Variants in SHOX observed in about 807,000 individuals in gnomAD.
SHOX encodes the protein short stature homeobox protein.
SHOX carries 12 observed loss-of-function variants against 29.6 expected under a neutral mutation model. That is an observed-to-expected ratio of 0.41 (90% CI 0.26 to 0.66). The LOEUF is 0.66. Ranked by LOEUF, SHOX falls within the 30% of genes least tolerant of loss-of-function variation. SHOX has a pLI of 0.35. For synonymous variants in SHOX, 214 were observed against 200.6 expected, an observed-to-expected ratio of 1.07 and a Z score of -0.57; for missense variants, 499 against 437.7, an observed-to-expected ratio of 1.14 and a Z score of -1.25.
chrX:644,295 G>C (rs1323526977), intron 4 of SHOX, 96 bp from the exon 5 acceptor site: 5 of 1,398,686 alleles, frequency 3.6e-6, no homozygotes, highest in Non-Finnish European at 4.7e-6. Context: ...CTCCCTAGGG[G>C]AGAAGAGGCA....
In SHOX at chrX:641,094, C is replaced by T; in HGVS notation, c.633+7C>T. ...ACGGATGCCTTTCCAACAGGTAGCT[C>T]ACTTTTTCTTCCTCTGAAGATCCCT... On this transcript the variant is annotated splice_region_variant and intron_variant, in intron 4 of 4. Coordinates refer to ENST00000686671, the MANE Select transcript of SHOX (RefSeq NM_000451.4). 6.2e-7 allele frequency: 1 copy of T among 1,613,544 alleles called. No individual in the cohort carries two copies. Among genetic ancestry groups the T allele is most frequent in the Non-Finnish European group, 8.5e-7 (1 of 1,179,568 alleles).
chrX:643,482 AGAGCCTTGGGGACCT>A (rs2052901355), intron 4 of SHOX, among the ~76,000 whole-genome samples: 1 of 120,900 alleles, frequency 8.3e-6, no homozygotes, highest in Non-Finnish European at 1.7e-5. Context: ...TGTCCTGGGG[AGAGCCTTGGGGACCT>A]GGTGACCTTG....
At chrX:625,888 C>CCT (rs777237891), upstream of SHOX, among the ~76,000 whole-genome samples, 21,368 of 118,248 alleles carry the variant, frequency 0.18, 3,533 homozygotes, top group Non-Finnish European at 0.25. Flanking sequence ...TTCTCTCTCT[C>CCT]CTCTCTCTCT....
At chrX:627,914 C>T (rs187911746), upstream of SHOX, among the ~76,000 whole-genome samples, 8 of 152,242 alleles carry the variant, frequency 5.3e-5, no homozygotes, top group South Asian at 1.0e-3. Context: ...GAGAGGTTTA[C>T]GGCGCAGTCC....
Position 644,574 on chromosome X carries a change from A to G in SHOX, c.817A>G (p.Asn273Asp). ...CGCCGCCGCCAAAAGCAACAGCAAG[A>G]ATTCCAGCATCGCCGACCTGCGGCT... ...VAAAAKSNSK[N>D]SSIADLRLKA... Residue 273 changes from asparagine to aspartate, a missense_variant, in exon 5 of 5, where the codon AAT (asparagine) becomes GAT (aspartate). Physicochemically the swap from Asn to Asp is conservative, Grantham distance 23 (BLOSUM62 1). Coordinates refer to ENST00000686671, the MANE Select transcript of SHOX (RefSeq NM_000451.4). The G allele has an allele frequency of 6.6e-7, 1 of 1,516,600 alleles. No individual in the cohort carries two copies. Among genetic ancestry groups the G allele is most frequent in the Non-Finnish European group, 8.8e-7 (1 of 1,139,036 alleles). The allele number at this position is 1,516,600 out of a possible 1,614,324, so 93.9% of individuals were successfully genotyped here.
Position 644,680 on chromosome X carries a change from G to A in SHOX, c.*44G>A. 1 of 1,393,900 alleles carries A rather than the reference G, an allele frequency of 7.2e-7. No homozygotes were observed. Among genetic ancestry groups the A allele is most frequent in the Non-Finnish European group, 9.2e-7 (1 of 1,085,712 alleles). 86.3% of individuals were successfully genotyped at this position (1,393,900 alleles called of 1,614,324 possible). ...GCGCGCCCGGACTCCCGGGCTCCGC[G>A]CACCCCGCCTGCACCGCGCGTCCTG... On this transcript the variant is annotated 3_prime_UTR_variant, in exon 5 of 5. Coordinates refer to ENST00000686671, the MANE Select transcript of SHOX (RefSeq NM_000451.4).
In SHOX at chrX:644,382, C is replaced by T; in HGVS notation, c.634-9C>T. 3 of 1,519,516 alleles carry T rather than the reference C, an allele frequency of 2.0e-6. No individual in the cohort carries two copies. Among genetic ancestry groups the T allele is most frequent in the African/African-American group, 1.4e-5 (1 of 70,488 alleles). The allele number at this position is 1,519,516 out of a possible 1,614,324, so 94.1% of individuals were successfully genotyped here. ...CTGCGCCCTCACCCCGCCGGGTCCG[C>T]TCCCGCAGGTCCAGGCTCAGCTGCA... On this transcript the variant is annotated splice_polypyrimidine_tract_variant and intron_variant, in intron 4 of 4. Coordinates refer to ENST00000686671, the MANE Select transcript of SHOX (RefSeq NM_000451.4).
intron 2 of SHOX, among the ~76,000 whole-genome samples, chrX:638,275 C>G (rs765987576): frequency 2.0e-4 from 30 of 151,950 alleles, no homozygotes; most frequent in Non-Finnish European, 3.5e-4. Flanking sequence ...TTTCCTCTCG[C>G]CGTGTTGAAG....
chrX:644,179 T>C (rs1022715058), intron 4 of SHOX, among the ~76,000 whole-genome samples: 2 of 152,148 alleles, frequency 1.3e-5, no homozygotes, highest in African/African-American at 4.8e-5. Context: ...CGGATTCCCC[T>C]GGCCCGGCTC....
chrX:655,557 ACTCT>A (rs1327010126), downstream of SHOX, among the ~76,000 whole-genome samples: 1 of 107,994 alleles, frequency 9.3e-6, no homozygotes, highest in Non-Finnish European at 1.9e-5. Flanking sequence ...AGCAAAAAGG[ACTCT>A]CTCTCTGTCT....
At chrX:625,090 C>T (rs1187905095) in intron 1 of SHOX, among the ~76,000 whole-genome samples, 2 of 142,248 alleles carry the variant, frequency 1.4e-5, no homozygotes, top group African/African-American at 5.3e-5. Context: ...TCCCTCCCTC[C>T]CTCCTTCCCT....
chrX:658,809 G>A (rs1362495621), exon 6 of SHOX: 3 of 410,830 alleles, frequency 7.3e-6, no homozygotes, highest in Non-Finnish European at 1.5e-5. Flanking sequence ...TTGTCGCCCG[G>A]GCTGGAGTAT....
chrX:642,756 G>A lies in SHOX; in HGVS notation c.634-1635G>A, dbSNP rs184141810. The stretch of plus-strand genomic sequence containing the variant: ...GACCTGGTATCCCCGGGAGAGGCTT[G>A]GGGACCTGGTGTCCCGGGAGAGGCT... On this transcript the variant is annotated intron_variant, in intron 4 of 4. Coordinates refer to ENST00000686671, the MANE Select transcript of SHOX (RefSeq NM_000451.4). Among the ~76,000 whole-genome samples the A allele has an allele frequency of 5.2e-3, 785 of 152,266 alleles. 8 individuals are homozygous for A. Among genetic ancestry groups the A allele is most frequent in the African/African-American group, 0.018 (753 of 41,548 alleles).
intron 1 of SHOX, 66 bp downstream of exon 1, chrX:631,240 G>A: frequency 6.3e-7 from 1 of 1,583,704 alleles, no homozygotes; most frequent in South Asian, 1.1e-5. Context: ...TCGCCACGGA[G>A]TCGGCCCCGC....
intron 1 of SHOX, among the ~76,000 whole-genome samples, chrX:634,030 C>T (rs1220271420): frequency 2.6e-5 from 4 of 152,230 alleles, no homozygotes; most frequent in South Asian, 2.1e-4. Context: ...GAGATTTCTG[C>T]GCACGCGGTT....
chrX:638,336 A>T (rs1334624063), intron 2 of SHOX, among the ~76,000 whole-genome samples: 1 of 151,964 alleles, frequency 6.6e-6, no homozygotes, highest in Non-Finnish European at 1.5e-5. Flanking sequence ...TTTTTTGAAA[A>T]ATGCCCTTCC....
rs2052978508 is a variant in SHOX, at chrX:647,045, G to A, written c.*2409G>A. 6.6e-6 allele frequency among the ~76,000 whole-genome samples: 1 copy of A among 152,132 alleles called. No individual in the cohort carries two copies. Among genetic ancestry groups the A allele is most frequent in the South Asian group, 2.1e-4 (1 of 4,830 alleles). On this transcript the variant is annotated 3_prime_UTR_variant, in exon 5 of 5. Coordinates refer to ENST00000686671, the MANE Select transcript of SHOX (RefSeq NM_000451.4). ...CCAAGAAAAAGCTCACTCCACGTGA[G>A]TAGAAAGACATCTACCTGGTCCCTG... is the stretch of plus-strand genomic sequence containing the variant.
intron 2 of SHOX, among the ~76,000 whole-genome samples, chrX:635,082 T>A (rs1213108013): frequency 1.3e-5 from 2 of 152,012 alleles, no homozygotes; most frequent in African/African-American, 4.8e-5. Context: ...AACAAATAAA[T>A]ATATATGTTA....
At chrX:625,705 TTCTATC>T (rs1486309423) in intron 1 of SHOX, among the ~76,000 whole-genome samples, 2 of 40,420 alleles carry the variant, frequency 4.9e-5, no homozygotes, top group South Asian at 5.8e-4. Flanking sequence ...CTGTCTCTCT[TTCTATC>T]TCTGTCTCTC....
Sources: gnomAD v4.1 joint callset for allele counts (sites outside exome capture counted in the v4.1 genomes callset) on GRCh38, gnomAD v4.1.1 for gene constraint, MANE v1.5 for transcripts, NCBI Gene and HGNC (gene_info 2026-07-23, HGNC 2026-07-21) for gene names.